Variants in RBFOX3 observed in about 807,000 individuals in gnomAD.
RBFOX3 encodes RNA binding protein fox-1 homolog 3.
A neutral mutation model predicts 48.7 loss-of-function variants in RBFOX3; 17 were observed. The observed-to-expected ratio is 0.35, with a 90% CI of 0.24 to 0.52. The LOEUF is 0.52. Ranked by LOEUF, RBFOX3 falls within the 20% of genes least tolerant of loss-of-function variation. RBFOX3 has a pLI of 0.94. For missense variants in RBFOX3, 382 were observed against 497.5 expected, an observed-to-expected ratio of 0.77 and a Z score of 2.21; for synonymous variants, 212 against 209.5, an observed-to-expected ratio of 1.01 and a Z score of -0.10.
Position 79,309,590 on chromosome 17 carries a change from C to T in RBFOX3, c.-174-1766G>A, listed in dbSNP as rs921574960. Among the ~76,000 whole-genome samples, 4 of 152,210 alleles carry T rather than the reference C, an allele frequency of 2.6e-5. No homozygotes were observed. In the East Asian group the frequency reaches 5.8e-4, roughly 22 times the overall value. The stretch of plus-strand genomic sequence containing the variant: ...CGTATGGGAAGCCCCCTCCCCATCA[C>T]CTGCCGCATCTACTCATGGCCTGTC... On this transcript the variant is annotated intron_variant, in intron 2 of 14. Coordinates refer to ENST00000693108, the MANE Select transcript of RBFOX3 (RefSeq NM_001350451.2).
rs1340937936 is a variant in RBFOX3 at position 79,363,945 on chromosome 17, CT to C, written c.-174-56122del. Among the ~76,000 whole-genome samples, 1 of 152,218 alleles carries C rather than the reference CT, an allele frequency of 6.6e-6. No individual in the cohort carries two copies. Among genetic ancestry groups the C allele is most frequent in the Non-Finnish European group, 1.5e-5 (1 of 68,044 alleles). ...CTCCAGCCACCCTGGCCTCCAGCTC[CT>C]CCACAAATCACAGCCTGTGCTCCAC... On this transcript the variant is annotated intron_variant, in intron 2 of 14. Transcript: ENST00000693108. This position sits in a 1 kb window ranked among gnomAD's most constrained non-coding sequence, Gnocchi z 4.7.
At chr17:79,595,560 C>T (rs2093547463) in intron 1 of RBFOX3, among the ~76,000 whole-genome samples, 1 of 152,214 alleles carries the variant, frequency 6.6e-6, no homozygotes, top group African/African-American at 2.4e-5. Context: ...TATGAATAGG[C>T]CATTCTCTCT....
chr17:79,097,254 A>AC, intron 11 of RBFOX3, 38 bp downstream of exon 11: 2 of 1,405,016 alleles, frequency 1.4e-6, no homozygotes, highest in African/African-American at 1.6e-5. Flanking sequence ...CCGCCGTCCT[A>AC]CCCCCTCCTC....
At chr17:79,233,884 G>A (rs1015775950) in intron 4 of RBFOX3, 2 of 152,336 alleles carry the variant, frequency 1.3e-5, no homozygotes, top group African/African-American at 4.8e-5. Flanking sequence ...TGGGATTACA[G>A]GCGTGAGCCA....
intron 1 of RBFOX3, among the ~76,000 whole-genome samples, chr17:79,516,547 C>T (rs1442051285): frequency 6.6e-6 from 1 of 152,264 alleles, no homozygotes; most frequent in Non-Finnish European, 1.5e-5. Flanking sequence ...GTTCACGCCC[C>T]GAGGTCAGAG....
intron 1 of RBFOX3, among the ~76,000 whole-genome samples, chr17:79,484,629 T>TG (rs1414814333): frequency 6.7e-6 from 1 of 149,952 alleles, no homozygotes; most frequent in Non-Finnish European, 1.5e-5. Context: ...CAGGTGGAGG[T>TG]GGAAGGCAGC....
At position 79,115,695 on chromosome 17, in the gene RBFOX3, GGGGGGGTA is replaced by G; in HGVS notation, c.13_20del (p.Tyr5ArgfsTer126). 1.2e-6 allele frequency: 1 copy of G among 805,976 alleles called. No homozygotes were observed. Among genetic ancestry groups the G allele is most frequent in the East Asian group, 3.3e-5 (1 of 30,488 alleles). 49.9% of individuals were successfully genotyped at this position (805,976 alleles called of 1,614,324 possible). On this transcript the variant is annotated frameshift_variant, in exon 5 of 15. Transcript: ENST00000693108. LOFTEE classifies it high-confidence loss of function. ...TCTGTGGCGGAGGGGGGTACTGGGC[GGGGGGGTA>G]GGGCTGGGCCATCGCTTCAGGCGGA... is the stretch of plus-strand genomic sequence containing the variant.
intron 3 of RBFOX3, among the ~76,000 whole-genome samples, chr17:79,262,066 T>C (rs1293939890): frequency 6.6e-6 from 1 of 152,240 alleles, no homozygotes; most frequent in South Asian, 2.1e-4. Flanking sequence ...TTTGAGATTC[T>C]TTTGAGTTAT....
intron 2 of RBFOX3, among the ~76,000 whole-genome samples, chr17:79,387,098 G>A (rs1467121023): frequency 6.6e-6 from 1 of 152,230 alleles, no homozygotes; most frequent in Non-Finnish European, 1.5e-5. Flanking sequence ...GGGTTTGAGA[G>A]GTCCCCAGGG....
intron 6 of RBFOX3, among the ~76,000 whole-genome samples, chr17:79,105,998 G>A (rs1225794001): frequency 6.6e-6 from 1 of 152,216 alleles, no homozygotes; most frequent in African/African-American, 2.4e-5. Flanking sequence ...CCCAGGGGCA[G>A]CCCTGCACGT....
intron 4 of RBFOX3, among the ~76,000 whole-genome samples, chr17:79,179,465 C>T (rs974045921): frequency 3.3e-5 from 5 of 152,158 alleles, no homozygotes; most frequent in African/African-American, 7.2e-5. Flanking sequence ...GCAAAAGCAA[C>T]GGAATTCACG....
At chr17:79,146,214 C>A (rs749421570) in intron 4 of RBFOX3, among the ~76,000 whole-genome samples, 1 of 152,192 alleles carries the variant, frequency 6.6e-6, no homozygotes, top group South Asian at 2.1e-4. Flanking sequence ...GGGTTGAAGA[C>A]CCCTGACGTA....
intron 3 of RBFOX3, among the ~76,000 whole-genome samples, chr17:79,301,395 A>G (rs926081161): frequency 3.9e-5 from 6 of 152,190 alleles, no homozygotes; most frequent in Admixed American, 3.9e-4. Context: ...CTTGTGCAGC[A>G]CCAGCGGGAA....
intron 2 of RBFOX3, among the ~76,000 whole-genome samples, chr17:79,414,520 G>A (rs946036268): frequency 6.6e-6 from 1 of 152,272 alleles, no homozygotes; most frequent in Non-Finnish European, 1.5e-5. Context: ...AAAGCTCCCC[G>A]TGAATCCCTT....
intron 3 of RBFOX3, among the ~76,000 whole-genome samples, chr17:79,296,305 CCACA>C (rs61439993): frequency 1.6e-4 from 21 of 130,484 alleles, no homozygotes; most frequent in East Asian, 6.0e-4. Flanking sequence ...CACACACACA[CCACA>C]CACACACACA....
At chr17:79,511,103 G>A (rs1157423535) in intron 1 of RBFOX3, among the ~76,000 whole-genome samples, 1 of 152,156 alleles carries the variant, frequency 6.6e-6, no homozygotes, top group Non-Finnish European at 1.5e-5. Flanking sequence ...ATCCACGCAG[G>A]GGCACCAAGG....
chr17:79,508,254 C>T (rs1189505605), intron 1 of RBFOX3, among the ~76,000 whole-genome samples: 3 of 152,174 alleles, frequency 2.0e-5, no homozygotes, highest in East Asian at 3.9e-4. Context: ...GTCAGCTCCC[C>T]GAGAGGGGGT....
intron 2 of RBFOX3, among the ~76,000 whole-genome samples, chr17:79,430,378 A>C (rs1555727855): frequency 6.6e-6 from 1 of 152,212 alleles, no homozygotes; most frequent in Admixed American, 6.5e-5. Flanking sequence ...CACATCCGTA[A>C]ATGGAAAACC....
intron 1 of RBFOX3, among the ~76,000 whole-genome samples, chr17:79,486,865 C>T (rs1198862146): frequency 6.6e-6 from 1 of 152,208 alleles, no homozygotes; most frequent in Non-Finnish European, 1.5e-5. Flanking sequence ...AGCCTGGCTG[C>T]TTCAACCTGC....
Sources: allele counts gnomAD v4.1 joint callset (sites outside exome capture counted in the v4.1 genomes callset), GRCh38; gene constraint gnomAD v4.1.1; non-coding constraint Gnocchi (gnomAD v3.1); transcripts MANE v1.5; gene names NCBI Gene and HGNC (gene_info 2026-07-23, HGNC 2026-07-21).